Variants in SBF2 observed in about 807,000 individuals in gnomAD.
SBF2 encodes the protein myotubularin-related protein 13.
Under a neutral mutation model 225.2 loss-of-function variants are expected in SBF2, and 112 were observed. That is an observed-to-expected ratio of 0.50 (90% CI 0.43 to 0.58). SBF2 has a LOEUF of 0.58. Ranked by LOEUF, SBF2 falls within the 20% of genes least tolerant of loss-of-function variation. The pLI is 0.00. For synonymous variants in SBF2, 763 were observed against 773.3 expected, an observed-to-expected ratio of 0.99 and a Z score of 0.22; for missense variants, 1,996 against 2,206.2, an observed-to-expected ratio of 0.90 and a Z score of 1.91.
At chr11:9,983,519 A>G (rs1446056395) in intron 13 of SBF2, among the ~76,000 whole-genome samples, 1 of 152,136 alleles carries the variant, frequency 6.6e-6, no homozygotes, top group Non-Finnish European at 1.5e-5. Flanking sequence ...GACAAAGGGC[A>G]TATTATCTTG....
intron 2 of SBF2, among the ~76,000 whole-genome samples, chr11:10,139,513 C>T (rs987290281): frequency 6.6e-6 from 1 of 152,166 alleles, no homozygotes; most frequent in Admixed American, 6.5e-5. Flanking sequence ...TTTCCTTGTT[C>T]AAAGCTGTGC....
intron 1 of SBF2, among the ~76,000 whole-genome samples, chr11:10,217,699 C>A (rs544015774): frequency 1.3e-5 from 2 of 152,098 alleles, no homozygotes; most frequent in Non-Finnish European, 2.9e-5. Context: ...AAACTCTAAG[C>A]CTTAGAGAGG....
chr11:10,293,088 A>AT, intron 1 of SBF2, among the ~76,000 whole-genome samples: 1 of 152,252 alleles, frequency 6.6e-6, no homozygotes, highest in Non-Finnish European at 1.5e-5. Context: ...GATATCTCAA[A>AT]TTCCTTGCAA....
intron 2 of SBF2, among the ~76,000 whole-genome samples, chr11:10,122,045 A>G (rs1044574810): frequency 6.6e-6 from 1 of 152,220 alleles, no homozygotes; most frequent in African/African-American, 2.4e-5. Flanking sequence ...CAATTCAGAT[A>G]TGCCAAAGAG....
rs529970945 is a variant in SBF2, at chr11:10,243,334, A to G, written c.56-49347T>C. ...GGGATGCAGCAAAAGCCGTACTAAG[A>G]TTGAAGTTTATAATGATAAATGCCT... On this transcript the variant is annotated intron_variant, in intron 1 of 39. Transcript: ENST00000256190. Among the ~76,000 whole-genome samples, 3 of 152,160 alleles carry G rather than the reference A, an allele frequency of 2.0e-5. No homozygotes were observed. In the East Asian group the frequency reaches 5.8e-4, roughly 29 times the overall value.
In SBF2 at chr11:9,864,305, G is replaced by C. The variant is rs180948753; in HGVS notation, c.1930-5909C>G. 1.5e-4 allele frequency among the ~76,000 whole-genome samples: 23 copies of C among 152,228 alleles called. 1 individual carries two copies. In the East Asian group the frequency reaches 4.4e-3, roughly 29 times the overall value. On this transcript the variant is annotated intron_variant, in intron 17 of 39. Coordinates refer to ENST00000256190, the MANE Select transcript of SBF2 (RefSeq NM_030962.4). ...ATCAAGGCATACAATTTCTGCACGA[G>C]AGGTATATTCATCCACCAGCATTGT... is the stretch of plus-strand genomic sequence containing the variant.
At chr11:9,958,247 G>A (rs946086450) in intron 16 of SBF2, 1 of 152,152 alleles carries the variant, frequency 6.6e-6, no homozygotes, top group Non-Finnish European at 1.5e-5. Context: ...AAGAAAAGGA[G>A]GGTAAAGATG....
At chr11:10,235,494 T>C (rs1959031877) in intron 1 of SBF2, among the ~76,000 whole-genome samples, 1 of 145,076 alleles carries the variant, frequency 6.9e-6, no homozygotes, top group Non-Finnish European at 1.5e-5. Context: ...GCCACTGCAC[T>C]CCAGCCTGGG....
intron 16 of SBF2, among the ~76,000 whole-genome samples, chr11:9,913,761 G>A (rs1404315732): frequency 6.6e-6 from 1 of 152,212 alleles, no homozygotes. Context: ...GGGCTCACCA[G>A]AAAACTAAGA....
At chr11:10,116,392 A>T (rs1261918388) in intron 2 of SBF2, among the ~76,000 whole-genome samples, 2 of 151,388 alleles carry the variant, frequency 1.3e-5, no homozygotes, top group African/African-American at 4.8e-5. Flanking sequence ...AATACAGTGG[A>T]AAACATGAAA....
At chr11:10,107,896 C>T (rs11042630) in intron 2 of SBF2, among the ~76,000 whole-genome samples, 5,199 of 152,206 alleles carry the variant, frequency 0.034, 301 homozygotes, top group East Asian at 0.17. Context: ...CACCATTCAA[C>T]CCACTACAAA....
At chr11:9,788,675 A>G (rs953607442) in intron 35 of SBF2, among the ~76,000 whole-genome samples, 4 of 149,856 alleles carry the variant, frequency 2.7e-5, no homozygotes, top group Admixed American at 6.7e-5. Context: ...GCTCCCTGCA[A>G]GCTCCGCCTC....
rs138249327 is a variant in SBF2, at chr11:10,240,749, A to G, written c.56-46762T>C. ...ACTGGTTTGGGGTAATAATTTAGAT[A>G]TATGGTGCATTTTTTTCTGCTTCTT... is the stretch of plus-strand genomic sequence containing the variant. On this transcript the variant is annotated intron_variant, in intron 1 of 39. Transcript: ENST00000256190. Among the ~76,000 whole-genome samples, 899 of 152,290 alleles carry G rather than the reference A, an allele frequency of 5.9e-3. 14 individuals are homozygous for G. Among genetic ancestry groups the G allele is most frequent in the African/African-American group, 0.02 (814 of 41,570 alleles).
At chr11:10,097,231 C>T (rs1371064888) in intron 2 of SBF2, among the ~76,000 whole-genome samples, 1 of 152,210 alleles carries the variant, frequency 6.6e-6, no homozygotes, top group African/African-American at 2.4e-5. Context: ...GCAACAAGCA[C>T]TTGACAACAG....
intron 2 of SBF2, among the ~76,000 whole-genome samples, chr11:10,193,351 CTTTTTTTTT>C (rs60903141): frequency 9.0e-6 from 1 of 110,500 alleles, no homozygotes; most frequent in Admixed American, 1.0e-4. Context: ...TCAATTTCAT[CTTTTTTTTT>C]TTTTTTTTTT....
chr11:10,182,919 C>T (rs756961101), intron 2 of SBF2, among the ~76,000 whole-genome samples: 46 of 151,832 alleles, frequency 3.0e-4, no homozygotes, highest in Non-Finnish European at 5.4e-4. Context: ...GACTATAGCA[C>T]GCGCCACCAC....
At chr11:10,001,075 T>A in intron 7 of SBF2, 53 bp from the exon 8 acceptor site, 1 of 880,702 alleles carries the variant, frequency 1.1e-6, no homozygotes. Flanking sequence ...CATAAACATA[T>A]CTTCTTTCAT....
chr11:10,214,483 C>T (rs1359177499), intron 1 of SBF2, among the ~76,000 whole-genome samples: 1 of 152,098 alleles, frequency 6.6e-6, no homozygotes, highest in Non-Finnish European at 1.5e-5. Context: ...ATTAGCCAAG[C>T]GTGGTGGCAC....
chr11:9,931,600 A>T (rs1220645879), intron 16 of SBF2, among the ~76,000 whole-genome samples: 1 of 152,224 alleles, frequency 6.6e-6, no homozygotes, highest in Non-Finnish European at 1.5e-5. Context: ...CAAAAAGGAC[A>T]TCTACACCAA....
Sources: gnomAD v4.1 joint callset for allele counts (sites outside exome capture counted in the v4.1 genomes callset) on GRCh38, gnomAD v4.1.1 for gene constraint, MANE v1.5 for transcripts, NCBI Gene and HGNC (gene_info 2026-07-23, HGNC 2026-07-21) for gene names.